TRPM1: variants seen among roughly 807,000 people sequenced by gnomAD.
TRPM1 encodes TRPM1-203 APA Isoform, Intron 10.
TRPM1 carries 113 observed loss-of-function variants against 149.4 expected under a neutral mutation model. The ratio of observed to expected loss-of-function variants is 0.76; its 90% CI spans 0.65 to 0.88. The LOEUF is 0.88. Ranked by LOEUF, TRPM1 falls within the 40% of genes least tolerant of loss-of-function variation. The probability of loss-of-function intolerance (pLI) is 0.00; values close to 1 mark genes in which losing one functional copy is unlikely to be tolerated. For missense variants in TRPM1, 1,976 were observed against 2,038.7 expected, an observed-to-expected ratio of 0.97 and a Z score of 0.59; for synonymous variants, 741 against 759.5, an observed-to-expected ratio of 0.98 and a Z score of 0.40.
rs758967016 is a variant in TRPM1, at chr15:31,049,481, TC to T, written c.1465del (p.Asp489MetfsTer3). Reference sequence around the variant, plus strand: ...GTCGACACGATCTAAGACTAAAGCATCTAGCATCGCTTGCTCCAAAGCATTC... The same window carrying T: ...GTCGACACGATCTAAGACTAAAGCATTAGCATCGCTTGCTCCAAAGCATTC... ...WVNALEQAML[D>X]ALVLDRVDFV... is the part of the protein sequence containing the mutation. On this transcript the variant is annotated frameshift_variant, in exon 13 of 28. Transcript: ENST00000256552. LOFTEE classifies it high-confidence loss of function. 1 of 1,614,050 alleles carries T rather than the reference TC, an allele frequency of 6.2e-7. No homozygotes were observed. The highest frequency in any genetic ancestry group is 2.2e-5 in the East Asian group (1 of 44,872).
At chr15:31,084,522 T>A (rs1173133977) in intron 1 of TRPM1, among the ~76,000 whole-genome samples, 2 of 152,180 alleles carry the variant, frequency 1.3e-5, no homozygotes, top group Admixed American at 1.3e-4. Flanking sequence ...GTCATCCAGG[T>A]AGCGCAGATC....
At position 31,040,436 on chromosome 15, in the gene TRPM1, A is replaced by G; in HGVS notation, c.2088-90T>C. 2 of 1,061,826 alleles carry G rather than the reference A, an allele frequency of 1.9e-6. No individual in the cohort carries two copies. 65.8% of individuals were successfully genotyped at this position (1,061,826 alleles called of 1,614,324 possible). A position where few individuals can be genotyped will look rare whatever the true frequency, so the allele number is the denominator to read the frequency against. On this transcript the variant is annotated intron_variant, in intron 17 of 27. Coordinates refer to ENST00000256552, the MANE Select transcript of TRPM1 (RefSeq NM_001252024.2). This position sits in a 1 kb window ranked among gnomAD's most constrained non-coding sequence, Gnocchi z 4.2. ...ATATCCACCAAGGACTTATGGAGCCACGGGACACAGTATCCTTCACTGGAG... is the reference window on the plus strand; with the variant it reads ...ATATCCACCAAGGACTTATGGAGCCGCGGGACACAGTATCCTTCACTGGAG...
chr15:31,085,021 A>G (rs1171591757), intron 1 of TRPM1, among the ~76,000 whole-genome samples: 1 of 152,074 alleles, frequency 6.6e-6, no homozygotes, highest in Non-Finnish European at 1.5e-5. Context: ...AATACAAAAT[A>G]TGGCTAGGAA....
intron 1 of TRPM1, among the ~76,000 whole-genome samples, chr15:31,144,712 ATTT>A (rs34583108): frequency 2.8e-5 from 3 of 108,194 alleles, no homozygotes; most frequent in Admixed American, 9.1e-5. Flanking sequence ...TGTTTTTGAG[ATTT>A]TTTTTTTTTT....
In TRPM1 at chr15:31,001,860, C is replaced by T; in HGVS notation, c.4840G>A (p.Val1614Ile). Residue 1614 changes from valine to isoleucine, a missense_variant, in exon 28 of 28, where the codon GTT becomes ATT. By Grantham distance (29) the Val-to-Ile change is conservative. Around this residue, in one of 3 missense-constraint regions of TRPM1, gnomAD observed 572 missense variants for 578.9 expected, o/e 0.99. Coordinates refer to ENST00000256552, the MANE Select transcript of TRPM1 (RefSeq NM_001252024.2). ...TCTGTGGAAGCTTTCTCTTTCTTAA[C>T]CTTTTTTTCTTCTGCTGTCATTCCA... ...VSGMTAEEKK[V>I]KKEKASTETE... The T allele has an allele frequency of 1.2e-6, 2 of 1,613,500 alleles. No homozygotes were observed. The highest frequency in any genetic ancestry group is 1.7e-6 in the Non-Finnish European group (2 of 1,180,002).
rs763037650 is a variant in TRPM1 at position 31,068,008 on chromosome 15, A to G, written c.364T>C (p.Leu122=). The change falls in exon 5 of 28, where the codon TTA becomes CTA. Residue 122 remains leucine (L), a synonymous_variant. Transcript: ENST00000256552. ...KDWQLELPKL[L]ISVHGGLQNF... Reference sequence around the variant, plus strand: ...TGGAGGCCTCCATGCACAGATATTAAGAGCTTGGGGAGTTCCAGCTGCCAA... The same window carrying G: ...TGGAGGCCTCCATGCACAGATATTAGGAGCTTGGGGAGTTCCAGCTGCCAA... The G allele has an allele frequency of 1.9e-6, 3 of 1,614,224 alleles. No homozygotes were observed. The highest frequency in any genetic ancestry group is 2.5e-6 in the Non-Finnish European group (3 of 1,180,036).
intron 27 of TRPM1, among the ~76,000 whole-genome samples, chr15:31,024,364 C>G (rs1045826158): frequency 1.2e-4 from 18 of 152,164 alleles, no homozygotes; most frequent in Admixed American, 2.0e-4. Context: ...GCTGGCTTGG[C>G]TAAGAGGGAA....
chr15:31,070,850 A>T (rs1469679131), intron 3 of TRPM1, among the ~76,000 whole-genome samples: 1 of 152,110 alleles, frequency 6.6e-6, no homozygotes. Context: ...TGTCAGCCAA[A>T]TTTTTCCATA....
chr15:31,074,397 T>C (rs2034639654), intron 3 of TRPM1, among the ~76,000 whole-genome samples: 1 of 152,182 alleles, frequency 6.6e-6, no homozygotes, highest in African/African-American at 2.4e-5. Context: ...GTTCAGATTG[T>C]ACATTTTTTC....
rs999671038 is a variant in TRPM1, at chr15:31,035,737, C to T, written c.2572-63G>A. The stretch of plus-strand genomic sequence containing the variant: ...ATCACATAGCAATCAAATTTTGAAA[C>T]GCTGTTTTCTTTCAGGTTGACACAT... On this transcript the variant is annotated intron_variant, in intron 20 of 27. Coordinates refer to ENST00000256552, the MANE Select transcript of TRPM1 (RefSeq NM_001252024.2). 23 of 1,611,358 alleles carry T rather than the reference C, an allele frequency of 1.4e-5. No homozygotes were observed. The South Asian group carries it at 1.4e-4, about 10-fold the overall frequency.
upstream of TRPM1, among the ~76,000 whole-genome samples, chr15:31,104,670 T>A (rs1008948034): frequency 7.0e-6 from 1 of 141,848 alleles, no homozygotes; most frequent in Non-Finnish European, 1.5e-5. Flanking sequence ...CTCGGCTCAC[T>A]GCAAGCTCCG....
chr15:31,077,403 T>C (rs1451669494), intron 2 of TRPM1, among the ~76,000 whole-genome samples: 1 of 151,928 alleles, frequency 6.6e-6, no homozygotes, highest in Non-Finnish European at 1.5e-5. Flanking sequence ...TGGTGCTGGA[T>C]GCTCAGCGAT....
intron 24 of TRPM1, 80 bp from the exon 25 acceptor site, chr15:31,028,556 A>G: frequency 6.8e-7 from 1 of 1,472,168 alleles, no homozygotes; most frequent in Non-Finnish European, 9.4e-7. Flanking sequence ...GTTTTTCAAT[A>G]CCTATTTCTT....
In TRPM1 at chr15:31,032,714, G is replaced by C. The variant is rs1259790245; in HGVS notation, c.2927C>G (p.Pro976Arg). The stretch of plus-strand genomic sequence containing the variant: ...CATCTTTCCAATCATCATCACGTAT[G>C]GCCCCAGATACTTGTTGACACCAAA... ...DIFGVNKYLGPYVMMIGKMMI... is the reference protein window; with the variant it reads ...DIFGVNKYLGRYVMMIGKMMI... Residue 976 changes from proline to arginine, a missense_variant, in exon 22 of 28, where the codon CCA (proline) becomes CGA (arginine). This residue lies in a region of TRPM1 where 1,332 missense variants were observed against 1,347.1 expected (regional missense o/e 0.99). Transcript: ENST00000256552. 6.2e-7 allele frequency: 1 copy of C among 1,614,156 alleles called. No homozygotes were observed. Among genetic ancestry groups the C allele is most frequent in the Non-Finnish European group, 8.5e-7 (1 of 1,180,018 alleles).
chr15:31,110,496 TG>T (rs1165621136), intron 1 of TRPM1, among the ~76,000 whole-genome samples: 3 of 152,318 alleles, frequency 2.0e-5, no homozygotes, highest in Admixed American at 2.0e-4. Context: ...ATTTGGAACG[TG>T]GGTCTTGGAA....
chr15:31,002,498 G>C lies in TRPM1; in HGVS notation c.4202C>G (p.Pro1401Arg). 1 of 1,614,096 alleles carries C rather than the reference G, an allele frequency of 6.2e-7. No individual in the cohort carries two copies. The highest frequency in any genetic ancestry group is 8.5e-7 in the Non-Finnish European group (1 of 1,179,992). ...TATCACATCTGTTTTATTTAAACTT[G>C]GGGAAATAGTTTCTTCTTTTTTAGA... ...TDSKKEETISPSLNKTDVIHG... is the reference protein window; with the variant it reads ...TDSKKEETISRSLNKTDVIHG... Residue 1401 changes from proline to arginine, a missense_variant, in exon 28 of 28, where the codon CCA becomes CGA. Pro to Arg is a moderately radical substitution (Grantham distance 103, BLOSUM62 -2). Coordinates refer to ENST00000256552, the MANE Select transcript of TRPM1 (RefSeq NM_001252024.2).
intron 1 of TRPM1, among the ~76,000 whole-genome samples, chr15:31,149,107 C>G (rs894473276): frequency 6.6e-6 from 1 of 152,200 alleles, no homozygotes; most frequent in Non-Finnish European, 1.5e-5. Context: ...CTCAAGTAGC[C>G]TAATAGCCAA....
chr15:31,095,043 TGAAC>T (rs1262593192), intron 1 of TRPM1, among the ~76,000 whole-genome samples: 2 of 152,380 alleles, frequency 1.3e-5, no homozygotes, highest in East Asian at 3.9e-4. Flanking sequence ...GCCACATAAA[TGAAC>T]GAAGTTCTGA....
In TRPM1 at chr15:31,002,743, G is replaced by C. The variant is rs1241029548; in HGVS notation, c.3957C>G (p.Val1319=). ...TACGGAAGGAACAGGTTTTTTTCCT[G>C]ACTCCTGTCCCTGGTGACGTGGAGA... The part of the protein sequence containing the change: ...TSLSTSPGTG[V]RKKTCSFRIK... The change falls in exon 28 of 28, where the codon GTC becomes GTG. Residue 1319 remains valine (V), a synonymous_variant. Transcript: ENST00000256552. The C allele has an allele frequency of 5.0e-6, 8 of 1,613,968 alleles. No individual in the cohort carries two copies. The highest frequency in any genetic ancestry group is 6.8e-6 in the Non-Finnish European group (8 of 1,180,018).
Sources: gnomAD v4.1 joint callset for allele counts (sites outside exome capture counted in the v4.1 genomes callset) on GRCh38, gnomAD v4.1.1 for gene constraint, gnomAD v4.1.1 regional missense constraint, Gnocchi (gnomAD v3.1) non-coding constraint, MANE v1.5 for transcripts, NCBI Gene and HGNC (gene_info 2026-07-23, HGNC 2026-07-21) for gene names.